The following IQGAP3 variants were observed in gnomAD, a reference collection of about 807,000 sequenced individuals.
The protein encoded by IQGAP3 is IQ motif containing GTPase activating protein 3, also known as ras GTPase-activating-like protein IQGAP3.
Under a neutral mutation model 208.2 loss-of-function variants are expected in IQGAP3, and 165 were observed. The ratio of observed to expected loss-of-function variants is 0.79; its 90% CI spans 0.70 to 0.90. IQGAP3 has a LOEUF of 0.90. Among genes scored for constraint, IQGAP3 ranks in the 40% least tolerant of loss-of-function variants. The pLI is 0.00. For synonymous variants in IQGAP3, 703 were observed against 803.6 expected, an observed-to-expected ratio of 0.87 and a Z score of 2.12; for missense variants, 1,811 against 2,043.1, an observed-to-expected ratio of 0.89 and a Z score of 2.19.
At chr1:156,540,187 T>C (rs1674909305) in intron 23 of IQGAP3, among the ~76,000 whole-genome samples, 197 bp from the exon 24 acceptor site, 1 of 152,138 alleles carries the variant, frequency 6.6e-6, no homozygotes, top group Non-Finnish European at 1.5e-5. Flanking sequence ...TTTCCTCTCC[T>C]GTCATGGGAG....
chr1:156,533,260 C>T (rs1460444618), intron 31 of IQGAP3, among the ~76,000 whole-genome samples, 154 bp from the exon 32 acceptor site: 1 of 152,186 alleles, frequency 6.6e-6, no homozygotes, highest in African/African-American at 2.4e-5. Context: ...GCCTGCAGAA[C>T]TACCCTGTGT....
chr1:156,570,863 T>C (rs1338473783), intron 1 of IQGAP3, among the ~76,000 whole-genome samples: 1 of 152,210 alleles, frequency 6.6e-6, no homozygotes, highest in Non-Finnish European at 1.5e-5. Flanking sequence ...ATGATAAGTA[T>C]GATTATAGCC....
At chr1:156,563,870 T>G in intron 5 of IQGAP3, 46 bp from the exon 6 acceptor site, 4 of 1,518,540 alleles carry the variant, frequency 2.6e-6, no homozygotes, top group Non-Finnish European at 3.6e-6. Flanking sequence ...GCCTATTCAT[T>G]TTGACACTCT....
rs1042747837 is a variant in IQGAP3 at position 156,572,299 on chromosome 1, G to A, written c.37+194C>T. Among the ~76,000 whole-genome samples, 10 of 152,022 alleles carry A rather than the reference G, an allele frequency of 6.6e-5. No individual in the cohort carries two copies. In the East Asian group the frequency reaches 1.3e-3, roughly 21 times the overall value. The stretch of plus-strand genomic sequence containing the variant: ...CTTTAAAGCGCAGCACATTAGTCAG[G>A]GGACAATGCGCCGCTCACAGTTCCA... On this transcript the variant is annotated intron_variant, in intron 1 of 37. Coordinates refer to ENST00000361170, the MANE Select transcript of IQGAP3 (RefSeq NM_178229.5).
Position 156,529,038 on chromosome 1 carries a change from C to A in IQGAP3, c.4449G>T (p.Glu1483Asp). 2 of 1,614,236 alleles carry A rather than the reference C, an allele frequency of 1.2e-6. No individual in the cohort carries two copies. Among genetic ancestry groups the A allele is most frequent in the Non-Finnish European group, 1.7e-6 (2 of 1,180,046 alleles). ...QHRHRHRRKA[E>D]LVKLQATLQG... ...GTAATGTGGCCTGCAGCTTCACCAGCTCTGCCTTCCGCCTGTGCCTGTGTC... is the reference window on the plus strand; with the variant it reads ...GTAATGTGGCCTGCAGCTTCACCAGATCTGCCTTCCGCCTGTGCCTGTGTC... The change falls in exon 35 of 38, where the codon GAG becomes GAT. Residue 1483 changes from glutamate to aspartate, a missense_variant. Physicochemically the swap from Glu to Asp is conservative, Grantham distance 45. Coordinates refer to ENST00000361170, the MANE Select transcript of IQGAP3 (RefSeq NM_178229.5).
intron 36 of IQGAP3, 109 bp from the exon 37 acceptor site, chr1:156,528,169 A>G (rs1277824993): frequency 3.7e-6 from 3 of 813,974 alleles, no homozygotes; most frequent in Non-Finnish European, 4.1e-6. Context: ...ATCCAGAACC[A>G]GTTTTCCCTC....
At chr1:156,554,421 A>G (rs1557938214) in intron 12 of IQGAP3, 29 bp from the exon 13 acceptor site, 2 of 1,574,400 alleles carry the variant, frequency 1.3e-6, no homozygotes, top group Non-Finnish European at 1.7e-6. Flanking sequence ...CCAATTCCCA[A>G]GTGGGCAGGT....
intron 13 of IQGAP3, among the ~76,000 whole-genome samples, chr1:156,553,576 CT>C (rs911283123): frequency 4.7e-5 from 6 of 127,350 alleles, no homozygotes; most frequent in Non-Finnish European, 8.0e-5. Context: ...TCTTTTCTTT[CT>C]TTCTTTTTTT....
chr1:156,572,381 C>T lies in IQGAP3; in HGVS notation c.37+112G>A. ...CCGTCCCACTGAGCAGTCCCACCGC[C>T]CTCGCCCCTCAGGCTTCACGCCCGA... On this transcript the variant is annotated intron_variant, in intron 1 of 37. Coordinates refer to ENST00000361170, the MANE Select transcript of IQGAP3 (RefSeq NM_178229.5). 3.4e-6 allele frequency: 4 copies of T among 1,191,478 alleles called. No homozygotes were observed. In the South Asian group the frequency reaches 3.6e-5, roughly 11 times the overall value. The allele number at this position is 1,191,478 out of a possible 1,614,324, so 73.8% of individuals were successfully genotyped here. A position where few individuals can be genotyped will look rare whatever the true frequency, so the allele number is the denominator to read the frequency against.
chr1:156,551,612 A>T, intron 15 of IQGAP3, 93 bp downstream of exon 15: 1 of 1,317,658 alleles, frequency 7.6e-7, no homozygotes, highest in South Asian at 1.5e-5. Flanking sequence ...CATTGTGTCC[A>T]TCAGAATAGA....
intron 20 of IQGAP3, 34 bp from the exon 21 acceptor site, chr1:156,544,257 T>A (rs775962718): frequency 1.2e-6 from 2 of 1,610,432 alleles, no homozygotes; most frequent in Non-Finnish European, 1.7e-6. Flanking sequence ...CAGCTCCAGC[T>A]TGGGGCCCAC....
chr1:156,527,889 C>T (rs1674177695), intron 37 of IQGAP3, 63 bp downstream of exon 37: 3 of 1,127,734 alleles, frequency 2.7e-6, no homozygotes, highest in East Asian at 2.3e-5. Flanking sequence ...GCCAGCTGCT[C>T]TCTTCAGGCC....
intron 11 of IQGAP3, 34 bp from the exon 12 acceptor site, chr1:156,556,727 C>T (rs768249596): frequency 1.4e-5 from 20 of 1,478,082 alleles, no homozygotes; most frequent in Middle Eastern, 4.8e-4. Context: ...TTGTACTGGC[C>T]GGGCATTCAG....
At position 156,560,830 on chromosome 1, in the gene IQGAP3, C is replaced by T. The variant is rs1355233472; in HGVS notation, c.1129+104G>A. On this transcript the variant is annotated intron_variant, in intron 11 of 37. Transcript: ENST00000361170. ...AAGTTCCTAGCCAGGCTGGAAACAGCAGCAGTGTGTACTGCCCAATACAGA... is the reference window on the plus strand; with the variant it reads ...AAGTTCCTAGCCAGGCTGGAAACAGTAGCAGTGTGTACTGCCCAATACAGA... 5.4e-6 allele frequency: 4 copies of T among 741,848 alleles called. No homozygotes were observed. In the African/African-American group the frequency reaches 7.0e-5, roughly 13 times the overall value. 46.0% of individuals were successfully genotyped at this position (741,848 alleles called of 1,614,324 possible).
chr1:156,540,507 G>T (rs1456050291), intron 23 of IQGAP3, among the ~76,000 whole-genome samples: 2 of 152,084 alleles, frequency 1.3e-5, no homozygotes, highest in Non-Finnish European at 2.9e-5. Flanking sequence ...CTGATTCTAG[G>T]TTTCATGCTC....
At position 156,542,326 on chromosome 1, in the gene IQGAP3, A is replaced by T. The variant is rs545043965; in HGVS notation, c.2531-1410T>A. On this transcript the variant is annotated intron_variant, in intron 22 of 37. Coordinates refer to ENST00000361170, the MANE Select transcript of IQGAP3 (RefSeq NM_178229.5). ...TGCCTCAGCCTCCCAAGTAGCTGGG[A>T]TTACAGGTACCTGTCACCATGTCTG... is the stretch of plus-strand genomic sequence containing the variant. 3.3e-5 allele frequency among the ~76,000 whole-genome samples: 5 copies of T among 152,262 alleles called. No individual in the cohort carries two copies. The South Asian group carries it at 8.3e-4, about 25-fold the overall frequency.
Position 156,545,717 on chromosome 1 carries a change from T to C in IQGAP3, c.2305-1245A>G, listed in dbSNP as rs76827033. 7.2e-3 allele frequency among the ~76,000 whole-genome samples: 1,098 copies of C among 152,252 alleles called. 6 individuals carry two copies. Among genetic ancestry groups the C allele is most frequent in the South Asian group, 0.031 (148 of 4,826 alleles). Reference sequence around the variant, plus strand: ...TCTTACTATATTGCTCAGGCCAGTCTTGAACTCCTCGGCTCAAGCAATCCT... The same window carrying C: ...TCTTACTATATTGCTCAGGCCAGTCCTGAACTCCTCGGCTCAAGCAATCCT... On this transcript the variant is annotated intron_variant, in intron 19 of 37. Transcript: ENST00000361170.
chr1:156,539,103 T>C lies in IQGAP3; in HGVS notation c.3057-70A>G. On this transcript the variant is annotated intron_variant, in intron 25 of 37. Transcript: ENST00000361170. ...AGGACATACCGTTGCTTTTCCTTTT[T>C]GAGATTTTGGCTCTCAAAGCCTGCC... 2.1e-6 allele frequency: 3 copies of C among 1,424,838 alleles called. No homozygotes were observed. In the South Asian group the frequency reaches 3.6e-5, roughly 17 times the overall value. 88.3% of individuals were successfully genotyped at this position (1,424,838 alleles called of 1,614,324 possible).
intron 13 of IQGAP3, among the ~76,000 whole-genome samples, chr1:156,553,568 TTTTC>T (rs1418077866): frequency 2.1e-5 from 3 of 144,392 alleles, no homozygotes; most frequent in Non-Finnish European, 3.0e-5. Context: ...TCTTCTTTTC[TTTTC>T]TTTCTTTCTT....
Sources: allele counts gnomAD v4.1 joint callset (sites outside exome capture counted in the v4.1 genomes callset), GRCh38; gene constraint gnomAD v4.1.1; transcripts MANE v1.5; gene names NCBI Gene and HGNC (gene_info 2026-07-23, HGNC 2026-07-21).